Variants in SLC4A10 observed in about 807,000 individuals in gnomAD.
The protein encoded by SLC4A10 is sodium-driven chloride bicarbonate exchanger.
In SLC4A10, 42 loss-of-function variants were observed where a neutral mutation model predicts 137.7. That is an observed-to-expected ratio of 0.30 (90% CI 0.24 to 0.39). The LOEUF is 0.39. Ranked by LOEUF, SLC4A10 falls within the 10% of genes least tolerant of loss-of-function variation. The probability of loss-of-function intolerance (pLI) is 1.00; values close to 1 mark genes in which losing one functional copy is unlikely to be tolerated. For synonymous variants in SLC4A10, 474 were observed against 464.1 expected (o/e 1.02, Z -0.27); for missense variants, 925 against 1,355.0 (o/e 0.68, Z 4.98).
chr2:161,808,374 C>T (rs2056213104), intron 3 of SLC4A10, among the ~76,000 whole-genome samples: 1 of 151,710 alleles, frequency 6.6e-6, no homozygotes, highest in South Asian at 2.1e-4. Flanking sequence ...TAGTTTTTGC[C>T]TTGCTCATAT....
intron 1 of SLC4A10, among the ~76,000 whole-genome samples, chr2:161,738,343 T>C (rs534527300): frequency 1.3e-5 from 2 of 152,240 alleles, no homozygotes; most frequent in South Asian, 4.2e-4. Context: ...AATTAACAAA[T>C]TGGGCAGGCC....
chr2:161,672,571 C>A (rs1030665767), intron 1 of SLC4A10, among the ~76,000 whole-genome samples: 3 of 151,536 alleles, frequency 2.0e-5, no homozygotes, highest in African/African-American at 7.3e-5. Flanking sequence ...ATATCTTTGT[C>A]TTACTGATTT....
At chr2:161,755,585 C>G (rs961607893) in intron 1 of SLC4A10, among the ~76,000 whole-genome samples, 1 of 152,136 alleles carries the variant, frequency 6.6e-6, no homozygotes, top group African/African-American at 2.4e-5. Flanking sequence ...ACAAATATCC[C>G]TTGGGAGCAT....
At chr2:161,760,096 C>T (rs1234128243) in intron 1 of SLC4A10, among the ~76,000 whole-genome samples, 1 of 151,920 alleles carries the variant, frequency 6.6e-6, no homozygotes, top group Non-Finnish European at 1.5e-5. Context: ...ATTCCTGAAT[C>T]TGAGGATTCA....
intron 18 of SLC4A10, among the ~76,000 whole-genome samples, chr2:161,950,181 G>A: frequency 6.6e-6 from 1 of 151,946 alleles, no homozygotes; most frequent in South Asian, 2.1e-4. Flanking sequence ...GATGTATTTT[G>A]TTTAGATGTC....
At chr2:161,792,330 T>C (rs974409379) in intron 2 of SLC4A10, among the ~76,000 whole-genome samples, 27 of 152,190 alleles carry the variant, frequency 1.8e-4, no homozygotes, top group African/African-American at 6.0e-4. Context: ...TTAATCATTA[T>C]TTTTCTTGAA....
At chr2:161,754,591 A>G (rs146037026) in intron 1 of SLC4A10, among the ~76,000 whole-genome samples, 12 of 152,268 alleles carry the variant, frequency 7.9e-5, no homozygotes, top group African/African-American at 2.9e-4. Flanking sequence ...CTGCTTGCCA[A>G]TCATGTGATT....
intron 3 of SLC4A10, among the ~76,000 whole-genome samples, chr2:161,805,870 C>T (rs2055892613): frequency 6.6e-6 from 1 of 152,190 alleles, no homozygotes; most frequent in Non-Finnish European, 1.5e-5. Flanking sequence ...TCTCACAGCT[C>T]CACTAGGTGG....
At chr2:161,876,813 AATAAT>A (rs1453416995) in intron 8 of SLC4A10, among the ~76,000 whole-genome samples, 1 of 152,020 alleles carries the variant, frequency 6.6e-6, no homozygotes, top group African/African-American at 2.4e-5. Flanking sequence ...CATAATATAG[AATAAT>A]ATAATTAGAT....
At chr2:161,663,118 T>C (rs1996233) in intron 1 of SLC4A10, among the ~76,000 whole-genome samples, 132,689 of 152,130 alleles carry the variant, frequency 0.87, 58,479 homozygotes, top group East Asian at 1. Flanking sequence ...CAGTACCTCA[T>C]TTGCCTTTTA....
intron 20 of SLC4A10, among the ~76,000 whole-genome samples, chr2:161,957,788 A>G (rs1344103626): frequency 6.6e-6 from 1 of 152,158 alleles, no homozygotes; most frequent in African/African-American, 2.4e-5. Flanking sequence ...AAGAGGATTA[A>G]CTAGTAATTA....
chr2:161,961,146 T>G (rs772642397), intron 21 of SLC4A10, among the ~76,000 whole-genome samples: 5 of 152,224 alleles, frequency 3.3e-5, no homozygotes, highest in Admixed American at 6.5e-5. Flanking sequence ...TCACTGATGT[T>G]CATAGCATAT....
intron 11 of SLC4A10, among the ~76,000 whole-genome samples, chr2:161,898,502 C>T (rs2063749493): frequency 6.6e-6 from 1 of 151,960 alleles, no homozygotes; most frequent in Non-Finnish European, 1.5e-5. Flanking sequence ...AACATTCTGA[C>T]CTCATACTCT....
At chr2:161,916,989 C>G (rs1303802900) in intron 15 of SLC4A10, among the ~76,000 whole-genome samples, 3 of 152,170 alleles carry the variant, frequency 2.0e-5, no homozygotes, top group African/African-American at 4.8e-5. Context: ...CTACCATAAT[C>G]AATGTATAGT....
At chr2:161,710,801 T>C in intron 1 of SLC4A10, 1 of 441,280 alleles carries the variant, frequency 2.3e-6, no homozygotes, top group Non-Finnish European at 4.6e-6. Flanking sequence ...TCAGTAAACA[T>C]AGTAAAGGCT....
intron 1 of SLC4A10, among the ~76,000 whole-genome samples, chr2:161,718,904 GT>G (rs1372352184): frequency 6.6e-6 from 1 of 151,374 alleles, no homozygotes; most frequent in Non-Finnish European, 1.5e-5. Context: ...ATCTCCCACT[GT>G]TTTTTTTATT....
chr2:161,801,286 C>T (rs902051990), intron 2 of SLC4A10, among the ~76,000 whole-genome samples: 4 of 151,854 alleles, frequency 2.6e-5, no homozygotes, highest in Admixed American at 6.6e-5. Context: ...TGTTTTTAAT[C>T]TTGCTCTTTT....
chr2:161,786,925 T>A lies in SLC4A10; in HGVS notation c.130+15871T>A, dbSNP rs567929423. 2.0e-5 allele frequency among the ~76,000 whole-genome samples: 3 copies of A among 152,062 alleles called. No homozygotes were observed. The East Asian group carries it at 5.8e-4, about 29-fold the overall frequency. The stretch of plus-strand genomic sequence containing the variant: ...ATCATAGTATTGTTAGCTAGTTGCT[T>A]TGCAGTCTCAGTGGTGTAATTGCTT... On this transcript the variant is annotated intron_variant, in intron 2 of 26. Coordinates refer to ENST00000446997, the MANE Select transcript of SLC4A10 (RefSeq NM_001178015.2).
At chr2:161,696,701 A>G (rs1347527062) in intron 1 of SLC4A10, among the ~76,000 whole-genome samples, 1 of 151,978 alleles carries the variant, frequency 6.6e-6, no homozygotes, top group Admixed American at 6.6e-5. Flanking sequence ...AATCGAGTCT[A>G]TCATTGATGG....
Sources: gnomAD v4.1 joint callset for allele counts (sites outside exome capture counted in the v4.1 genomes callset) on GRCh38, gnomAD v4.1.1 for gene constraint, MANE v1.5 for transcripts, NCBI Gene and HGNC (gene_info 2026-07-23, HGNC 2026-07-21) for gene names.